Variants in ATP10B observed in about 807,000 individuals in gnomAD.
ATP10B encodes phospholipid-transporting ATPase VB.
ATP10B carries 122 observed loss-of-function variants against 141.2 expected under a neutral mutation model. The ratio of observed to expected loss-of-function variants is 0.86; its 90% CI spans 0.75 to 1.00. ATP10B has a LOEUF of 1.00. ATP10B is among the 50% of genes least tolerant of loss of function. ATP10B has a pLI of 0.00. For missense variants in ATP10B, 1,876 were observed against 1,825.3 expected (o/e 1.03, Z -0.51); for synonymous variants, 685 against 692.0 (o/e 0.99, Z 0.16).
At chr5:160,746,343 A>G (rs1288989414) in intron 2 of ATP10B, among the ~76,000 whole-genome samples, 1 of 151,496 alleles carries the variant, frequency 6.6e-6, no homozygotes, top group Non-Finnish European at 1.5e-5. Context: ...GAATTGATCC[A>G]CTTACATAAT....
In ATP10B at chr5:160,598,813, A is replaced by G. The variant is rs1756909073; in HGVS notation, c.3521T>C (p.Leu1174Pro). The G allele has an allele frequency of 6.2e-7, 1 of 1,614,026 alleles. No individual in the cohort carries two copies. ...VLDKDISAET[L>P]LALPELYKSG... ...CTTGTATAGCTCAGGCAATGCCAGGAGTGTTTCTGCAGAGATGTCTTTGTC... is the reference window on the plus strand; with the variant it reads ...CTTGTATAGCTCAGGCAATGCCAGGGGTGTTTCTGCAGAGATGTCTTTGTC... The change falls in exon 22 of 26, where the codon CTC becomes CCC. Residue 1174 changes from leucine to proline, a missense_variant. Physicochemically the swap from Leu to Pro is moderately conservative, Grantham distance 98 (BLOSUM62 -3). Coordinates refer to ENST00000327245, the MANE Select transcript of ATP10B (RefSeq NM_025153.3).
the ATP10B span, among the ~76,000 whole-genome samples, chr5:160,918,030 C>T: frequency 6.6e-6 from 1 of 152,278 alleles, no homozygotes; most frequent in Non-Finnish European, 1.5e-5. Flanking sequence ...CTCATAGGAC[C>T]ACAGTGAGGA....
At chr5:160,845,443 C>T (rs1402953464) in intron 1 of ATP10B, among the ~76,000 whole-genome samples, 1 of 152,016 alleles carries the variant, frequency 6.6e-6, no homozygotes, top group East Asian at 1.9e-4. Flanking sequence ...TGGGAAGAGG[C>T]ACACCAGGAC....
chr5:160,791,529 A>G lies in ATP10B; in HGVS notation c.-575-5726T>C, dbSNP rs556377288. On this transcript the variant is annotated intron_variant, in intron 1 of 25. Coordinates refer to ENST00000327245, the MANE Select transcript of ATP10B (RefSeq NM_025153.3). Reference sequence around the variant, plus strand: ...CAGGGCCTTCCACCATGGTGGTTCTATGGTGTCACCAGGAAAGAAGGATGA... The same window carrying G: ...CAGGGCCTTCCACCATGGTGGTTCTGTGGTGTCACCAGGAAAGAAGGATGA... 5.9e-5 allele frequency among the ~76,000 whole-genome samples: 9 copies of G among 152,174 alleles called. No homozygotes were observed. In the South Asian group the frequency reaches 1.7e-3, roughly 28 times the overall value.
chr5:160,685,071 C>G, intron 6 of ATP10B: 1 of 703,634 alleles, frequency 1.4e-6, no homozygotes, highest in Non-Finnish European at 2.6e-6. Flanking sequence ...CGAAGGACAA[C>G]ACGGTGTACT....
intron 1 of ATP10B, among the ~76,000 whole-genome samples, chr5:160,848,321 T>G (rs1253774714): frequency 1.3e-5 from 2 of 152,218 alleles, no homozygotes; most frequent in Non-Finnish European, 2.9e-5. Flanking sequence ...ATTCCATTCA[T>G]AAGTTCTTAT....
In ATP10B at chr5:160,609,874, G is replaced by A. The variant is rs117862043; in HGVS notation, c.2839-2788C>T. On this transcript the variant is annotated intron_variant, in intron 18 of 25. Transcript: ENST00000327245. ...AGATCAAAGTAGTCCTTTGGAAGCT[G>A]GGACTGGCACCAATTATATAAATTC... Among the ~76,000 whole-genome samples the A allele has an allele frequency of 1.8e-3, 273 of 152,288 alleles. 6 individuals are homozygous for A. The East Asian group carries it at 0.045, about 25-fold the overall frequency.
intron 1 of ATP10B, among the ~76,000 whole-genome samples, chr5:160,788,275 C>T (rs952413757): frequency 3.9e-5 from 6 of 152,170 alleles, no homozygotes; most frequent in African/African-American, 1.4e-4. Context: ...GCTCCTCCTC[C>T]CCACTTGGCC....
chr5:160,741,999 G>A (rs1288464928), intron 2 of ATP10B, among the ~76,000 whole-genome samples: 2 of 152,162 alleles, frequency 1.3e-5, no homozygotes. Context: ...TACAGCTATG[G>A]AAAACTGAGG....
At chr5:160,816,673 A>G (rs569541545) in intron 1 of ATP10B, among the ~76,000 whole-genome samples, 1 of 152,318 alleles carries the variant, frequency 6.6e-6, no homozygotes, top group Admixed American at 6.5e-5. Flanking sequence ...TCATCCTGAT[A>G]CCAAAGCCGG....
At chr5:160,877,955 G>GC in the ATP10B span, among the ~76,000 whole-genome samples, 2 of 151,610 alleles carry the variant, frequency 1.3e-5, no homozygotes, top group East Asian at 3.9e-4. Flanking sequence ...TGGCCATACT[G>GC]CCCAAGGTAA....
chr5:160,639,750 T>C (rs1460861544), intron 10 of ATP10B, among the ~76,000 whole-genome samples: 2 of 152,214 alleles, frequency 1.3e-5, no homozygotes, highest in Non-Finnish European at 2.9e-5. Context: ...GGTTTCAGGA[T>C]GATTCAAGTG....
At position 160,765,969 on chromosome 5, in the gene ATP10B, A is replaced by G. The variant is rs146548486; in HGVS notation, c.-331+19590T>C. ...ACATGAAAAAATGCTCAACATCACT[A>G]ATTATCAGGAAAATGCAAATCAAAA... is the stretch of plus-strand genomic sequence containing the variant. On this transcript the variant is annotated intron_variant, in intron 2 of 25. Transcript: ENST00000327245. Among the ~76,000 whole-genome samples the G allele has an allele frequency of 3.9e-3, 598 of 152,242 alleles. 3 individuals carry two copies. The highest frequency in any genetic ancestry group is 0.029 in the South Asian group (140 of 4,824).
In ATP10B at chr5:160,652,846, A is replaced by G. The variant is rs547279890; in HGVS notation, c.676-3590T>C. On this transcript the variant is annotated intron_variant, in intron 7 of 25. Transcript: ENST00000327245. ...TTAATTATATATAATATATATTATA[A>G]AAAGATTATAAATTATATATAATAT... is the stretch of plus-strand genomic sequence containing the variant. Among the ~76,000 whole-genome samples, 3 of 97,610 alleles carry G rather than the reference A, an allele frequency of 3.1e-5. No homozygotes were observed. In the South Asian group the frequency reaches 7.9e-4, roughly 26 times the overall value. The allele number at this position is 97,610 out of a possible 152,430, so 64.0% of individuals were successfully genotyped here.
intron 3 of ATP10B, among the ~76,000 whole-genome samples, chr5:160,708,883 T>G (rs933767900): frequency 6.6e-6 from 1 of 152,122 alleles, no homozygotes; most frequent in South Asian, 2.1e-4. Context: ...AAAGACCCCT[T>G]AGAGACTGAG....
intron 2 of ATP10B, among the ~76,000 whole-genome samples, chr5:160,722,739 G>A (rs1439925107): frequency 3.3e-5 from 5 of 152,172 alleles, no homozygotes; most frequent in African/African-American, 7.2e-5. Context: ...CCAAAGACTC[G>A]ATTCCATTTC....
chr5:160,716,796 T>C (rs2127777246), intron 3 of ATP10B, 113 bp downstream of exon 3: 1 of 730,176 alleles, frequency 1.4e-6, no homozygotes, highest in Middle Eastern at 7.0e-4. Context: ...TTAGCTCTGG[T>C]TTCCATCATC....
intron 6 of ATP10B, among the ~76,000 whole-genome samples, chr5:160,680,618 G>T (rs190476765): frequency 6.6e-6 from 1 of 152,320 alleles, no homozygotes; most frequent in African/African-American, 2.4e-5. Flanking sequence ...CATTGAGGTG[G>T]CTTCTCCAAC....
intron 1 of ATP10B, among the ~76,000 whole-genome samples, chr5:160,812,168 G>A (rs566297572): frequency 3.3e-5 from 5 of 152,162 alleles, no homozygotes; most frequent in African/African-American, 9.6e-5. Context: ...GACCATCAAC[G>A]TGGTACCTCT....
Sources: gnomAD v4.1 joint callset for allele counts (sites outside exome capture counted in the v4.1 genomes callset) on GRCh38, gnomAD v4.1.1 for gene constraint, MANE v1.5 for transcripts, NCBI Gene and HGNC (gene_info 2026-07-23, HGNC 2026-07-21) for gene names.